The following PDSS2 variants were observed in gnomAD, a reference collection of about 807,000 sequenced individuals.
The protein encoded by PDSS2 is decaprenyl diphosphate synthase subunit 2, also known as all trans-polyprenyl-diphosphate synthase PDSS2.
Under a neutral mutation model 44.5 loss-of-function variants are expected in PDSS2, and 31 were observed. The ratio of observed to expected loss-of-function variants is 0.70; its 90% CI spans 0.52 to 0.94. The LOEUF is 0.94. Among genes scored for constraint, PDSS2 ranks in the 40% least tolerant of loss-of-function variants. The probability of loss-of-function intolerance (pLI) is 0.00; values close to 1 mark genes in which losing one functional copy is unlikely to be tolerated. For missense variants in PDSS2, 452 were observed against 482.2 expected, an observed-to-expected ratio of 0.94 and a Z score of 0.59; for synonymous variants, 157 against 180.3, an observed-to-expected ratio of 0.87 and a Z score of 1.03.
Position 107,459,116 on chromosome 6 carries a change from T to C in PDSS2, c.170A>G (p.Glu57Gly), listed in dbSNP as rs1170961854. 1 of 1,613,934 alleles carries C rather than the reference T, an allele frequency of 6.2e-7. No homozygotes were observed. Among genetic ancestry groups the C allele is most frequent in the Non-Finnish European group, 8.5e-7 (1 of 1,180,032 alleles). ...AHWNQVVSEA[E>G]KIVGYPTSFM... is the part of the protein sequence containing the mutation. ...GGACGTGGGGTACCCCACGATCTTC[T>C]CCGCCTCTGACACTACCTGATTCCA... The change falls in exon 1 of 8, where the codon GAG becomes GGG. Residue 57 changes from glutamate (E) to glycine (G), a missense_variant. Transcript: ENST00000369037. The surrounding 1 kb of genome is among the most constrained non-coding windows in gnomAD (Gnocchi z 4.3).
At chr6:107,162,314 G>C (rs1554246827) in intron 7 of PDSS2, among the ~76,000 whole-genome samples, 1 of 151,890 alleles carries the variant, frequency 6.6e-6, no homozygotes, top group African/African-American at 2.4e-5. Context: ...GGCCAACATG[G>C]TGTAACCCCA....
intron 4 of PDSS2, among the ~76,000 whole-genome samples, chr6:107,214,416 T>C (rs2114648248): frequency 6.6e-6 from 1 of 152,326 alleles, no homozygotes; most frequent in Middle Eastern, 3.4e-3. Flanking sequence ...TACTAAGTTT[T>C]CAAAATCACT....
At chr6:107,286,453 T>G (rs1776154993) in intron 2 of PDSS2, among the ~76,000 whole-genome samples, 1 of 151,952 alleles carries the variant, frequency 6.6e-6, no homozygotes, top group Non-Finnish European at 1.5e-5. Flanking sequence ...GAGGTTGCAG[T>G]GAGCTGAGAT....
At chr6:107,396,597 T>C (rs71574248) in intron 1 of PDSS2, among the ~76,000 whole-genome samples, 2,066 of 152,184 alleles carry the variant, frequency 0.014, 44 homozygotes, top group Admixed American at 0.061. Flanking sequence ...TCAAATGCTA[T>C]ATATAAAATA....
intron 6 of PDSS2, chr6:107,197,956 C>T (rs1772625777): frequency 2.2e-6 from 1 of 459,204 alleles, no homozygotes; most frequent in South Asian, 1.6e-5. Flanking sequence ...TGGAATTTTC[C>T]TTTTGGCTGC....
chr6:107,347,576 T>C (rs997034320), intron 1 of PDSS2, among the ~76,000 whole-genome samples: 2 of 152,086 alleles, frequency 1.3e-5, no homozygotes, highest in Non-Finnish European at 2.9e-5. Context: ...TAAAATTATA[T>C]CTTTTAGGGA....
intron 7 of PDSS2, among the ~76,000 whole-genome samples, chr6:107,179,469 C>T (rs1351388954): frequency 2.0e-5 from 3 of 152,090 alleles, no homozygotes; most frequent in East Asian, 1.9e-4. Flanking sequence ...TTAGTAGAGA[C>T]GGGGTTTCAC....
At chr6:107,208,285 CTTTTTT>C (rs1164014672) in intron 6 of PDSS2, among the ~76,000 whole-genome samples, 8,828 of 52,878 alleles carry the variant, frequency 0.17, 590 homozygotes, top group Non-Finnish European at 0.21. Context: ...CATGCCTGGC[CTTTTTT>C]TTTTTTTTTT....
At chr6:107,334,029 T>G (rs1777795077) in intron 2 of PDSS2, among the ~76,000 whole-genome samples, 169 bp downstream of exon 2, 1 of 151,892 alleles carries the variant, frequency 6.6e-6, no homozygotes, top group South Asian at 2.1e-4. Context: ...ATGTGTAGAG[T>G]TGGCCAAGAC....
intron 1 of PDSS2, among the ~76,000 whole-genome samples, chr6:107,401,190 G>A (rs1307904930): frequency 1.3e-5 from 2 of 152,160 alleles, no homozygotes; most frequent in Non-Finnish European, 2.9e-5. Context: ...CAAGCTTTGT[G>A]CAACCTTTAC....
At chr6:107,228,576 T>A (rs1243716412) in intron 4 of PDSS2, among the ~76,000 whole-genome samples, 1 of 151,954 alleles carries the variant, frequency 6.6e-6, no homozygotes, top group African/African-American at 2.4e-5. Context: ...GCGCCTATAA[T>A]CCCAGCTACT....
chr6:107,198,833 CAA>C (rs1772658987), intron 6 of PDSS2, among the ~76,000 whole-genome samples: 1 of 138,596 alleles, frequency 7.2e-6, no homozygotes, highest in Non-Finnish European at 1.6e-5. Flanking sequence ...ACAACAACAA[CAA>C]CACAGCAAAA....
intron 1 of PDSS2, among the ~76,000 whole-genome samples, chr6:107,448,293 T>C (rs572912116): frequency 2.0e-5 from 3 of 152,204 alleles, no homozygotes; most frequent in African/African-American, 4.8e-5. Context: ...TTCTTTTCTA[T>C]TACAATGTCA....
intron 1 of PDSS2, among the ~76,000 whole-genome samples, chr6:107,424,326 G>A (rs1440476368): frequency 1.3e-5 from 2 of 152,050 alleles, no homozygotes; most frequent in Non-Finnish European, 1.5e-5. Flanking sequence ...TGGTATTCAG[G>A]CATAAGCCAC....
intron 1 of PDSS2, among the ~76,000 whole-genome samples, chr6:107,374,760 G>C (rs1029112087): frequency 6.6e-6 from 1 of 152,144 alleles, no homozygotes; most frequent in Non-Finnish European, 1.5e-5. Context: ...ATTTTAAACA[G>C]TCATGTTATA....
chr6:107,295,217 A>G (rs1261031521), intron 2 of PDSS2, among the ~76,000 whole-genome samples: 1 of 152,204 alleles, frequency 6.6e-6, no homozygotes, highest in Non-Finnish European at 1.5e-5. Context: ...TACAGGCGTG[A>G]GCCACCGCGC....
At chr6:107,226,298 C>T (rs1019561565) in intron 4 of PDSS2, among the ~76,000 whole-genome samples, 2 of 151,974 alleles carry the variant, frequency 1.3e-5, no homozygotes, top group African/African-American at 4.8e-5. Context: ...GGCGACAAAG[C>T]GAGACTCCGT....
In PDSS2 at chr6:107,162,094, T is replaced by G. The variant is rs80192678; in HGVS notation, c.1042-7317A>C. Among the ~76,000 whole-genome samples, 7 of 152,302 alleles carry G rather than the reference T, an allele frequency of 4.6e-5. No individual in the cohort carries two copies. In the South Asian group the frequency reaches 1.0e-3, roughly 23 times the overall value. On this transcript the variant is annotated intron_variant, in intron 7 of 7. Transcript: ENST00000369037. Reference sequence around the variant, plus strand: ...GTTAGGACTTGGTTTGGGCACATCATTGGCTGCAGGATGCTTCACCCTTGT... The same window carrying G: ...GTTAGGACTTGGTTTGGGCACATCAGTGGCTGCAGGATGCTTCACCCTTGT...
intron 2 of PDSS2, among the ~76,000 whole-genome samples, chr6:107,310,358 A>C (rs1175266462): frequency 1.3e-5 from 2 of 152,050 alleles, no homozygotes; most frequent in African/African-American, 4.8e-5. Context: ...ATCTAAAAAA[A>C]CAACCAGGAA....
Sources: gnomAD v4.1 joint callset for allele counts (sites outside exome capture counted in the v4.1 genomes callset) on GRCh38, gnomAD v4.1.1 for gene constraint, Gnocchi (gnomAD v3.1) non-coding constraint, MANE v1.5 for transcripts, NCBI Gene and HGNC (gene_info 2026-07-23, HGNC 2026-07-21) for gene names.